C1QTNF7: variants seen among roughly 807,000 people sequenced by gnomAD.
C1QTNF7 encodes the protein C1q and TNF related 7.
In C1QTNF7, 15 loss-of-function variants were observed where a neutral mutation model predicts 19.6. That is an observed-to-expected ratio of 0.76 (90% CI 0.51 to 1.18). The LOEUF is 1.18. Ranked by LOEUF, C1QTNF7 falls within the 50% of genes most tolerant of loss-of-function variation. C1QTNF7 has a pLI of 0.00. For missense variants in C1QTNF7, 324 were observed against 359.7 expected, an observed-to-expected ratio of 0.90 and a Z score of 0.80; for synonymous variants, 142 against 137.5, an observed-to-expected ratio of 1.03 and a Z score of -0.23.
chr4:15,408,216 G>A (rs1719266478), intron 1 of C1QTNF7, among the ~76,000 whole-genome samples: 1 of 145,564 alleles, frequency 6.9e-6, no homozygotes, highest in Non-Finnish European at 1.5e-5. Flanking sequence ...AGGTTGCAGT[G>A]AGCCGTAATT....
intron 1 of C1QTNF7, among the ~76,000 whole-genome samples, chr4:15,364,750 G>A (rs1182680498): frequency 6.6e-6 from 1 of 151,964 alleles, no homozygotes; most frequent in Non-Finnish European, 1.5e-5. Flanking sequence ...ATATTTCCTG[G>A]GCAAGCATCA....
chr4:15,399,620 C>A (rs1718913801), intron 1 of C1QTNF7, among the ~76,000 whole-genome samples: 1 of 152,160 alleles, frequency 6.6e-6, no homozygotes. Flanking sequence ...ACATAGTAAG[C>A]CCTCAAACAT....
chr4:15,424,109 G>A (rs549172021), upstream of C1QTNF7, among the ~76,000 whole-genome samples: 1 of 152,092 alleles, frequency 6.6e-6, no homozygotes, highest in Admixed American at 6.6e-5. Flanking sequence ...CAAATTTCTT[G>A]GCTTTCTGGT....
At position 15,444,037 on chromosome 4, in the gene C1QTNF7, T is replaced by G. The variant is rs1438387612; in HGVS notation, c.*1238T>G. 2 of 152,208 alleles carry G rather than the reference T, an allele frequency of 1.3e-5. No individual in the cohort carries two copies. Among genetic ancestry groups the G allele is most frequent in the African/African-American group, 4.8e-5 (2 of 41,446 alleles). The allele number at this position is 152,208 out of a possible 1,614,324, so 9.4% of individuals were successfully genotyped here. ...CTTGCTTGTGTCAGCACCTTGTTCT[T>G]CACTGAACTGCAATTCTTCAATTAT... is the stretch of plus-strand genomic sequence containing the variant. On this transcript the variant is annotated 3_prime_UTR_variant, in exon 3 of 3. Transcript: ENST00000444304.
At chr4:15,430,581 T>C (rs953885996) in intron 1 of C1QTNF7, among the ~76,000 whole-genome samples, 2 of 152,256 alleles carry the variant, frequency 1.3e-5, no homozygotes, top group African/African-American at 4.8e-5. Flanking sequence ...TGGATTGTGA[T>C]GTACATTAAG....
intron 1 of C1QTNF7, among the ~76,000 whole-genome samples, chr4:15,412,450 A>G (rs970916693): frequency 1.3e-5 from 2 of 151,702 alleles, no homozygotes; most frequent in African/African-American, 4.9e-5. Context: ...CATCTTCAAA[A>G]CCATCAGTGT....
intron 1 of C1QTNF7, among the ~76,000 whole-genome samples, chr4:15,391,835 C>G (rs760252067): frequency 6.6e-6 from 1 of 152,074 alleles, no homozygotes; most frequent in Non-Finnish European, 1.5e-5. Flanking sequence ...AAAGGGACAA[C>G]AAGCAGGAAG....
At chr4:15,429,151 C>T (rs892359720) in intron 1 of C1QTNF7, among the ~76,000 whole-genome samples, 1 of 152,130 alleles carries the variant, frequency 6.6e-6, no homozygotes, top group Non-Finnish European at 1.5e-5. Context: ...CCTTAAAACA[C>T]CTGGCACAGA....
intron 1 of C1QTNF7, chr4:15,362,603 C>G (rs945659040): frequency 6.6e-6 from 1 of 152,172 alleles, no homozygotes; most frequent in African/African-American, 2.4e-5. Flanking sequence ...TAGTTTTCTT[C>G]CTTCTTCCTC....
intron 1 of C1QTNF7, among the ~76,000 whole-genome samples, chr4:15,399,999 T>C (rs1268636863): frequency 1.3e-5 from 2 of 152,216 alleles, no homozygotes; most frequent in South Asian, 2.1e-4. Flanking sequence ...TCTGAGGCCA[T>C]GACATTAGTG....
At chr4:15,368,988 T>C (rs1320055796) in intron 1 of C1QTNF7, among the ~76,000 whole-genome samples, 1 of 152,088 alleles carries the variant, frequency 6.6e-6, no homozygotes, top group Non-Finnish European at 1.5e-5. Flanking sequence ...TTGGAGAAAA[T>C]GATGTAAAAA....
chr4:15,428,773 G>A (rs574283110), intron 1 of C1QTNF7, among the ~76,000 whole-genome samples: 3 of 152,184 alleles, frequency 2.0e-5, no homozygotes, highest in Non-Finnish European at 4.4e-5. Context: ...GCCACTCCCA[G>A]TGCAACAAGA....
intron 1 of C1QTNF7, among the ~76,000 whole-genome samples, chr4:15,386,969 C>T (rs556914953): frequency 6.6e-6 from 1 of 152,208 alleles, no homozygotes; most frequent in African/African-American, 2.4e-5. Context: ...TGCTGAGTGG[C>T]TTCTACAAGG....
At chr4:15,359,764 C>A (rs191450593) in intron 1 of C1QTNF7, among the ~76,000 whole-genome samples, 185 of 152,290 alleles carry the variant, frequency 1.2e-3, no homozygotes, top group Non-Finnish European at 1.9e-3. Flanking sequence ...GATGACCAGT[C>A]TACCCCCAGA....
At chr4:15,436,899 A>G (rs1712560598) in intron 2 of C1QTNF7, among the ~76,000 whole-genome samples, 1 of 152,262 alleles carries the variant, frequency 6.6e-6, no homozygotes, top group Non-Finnish European at 1.5e-5. Flanking sequence ...AAACAAAATC[A>G]TAAAACATAT....
chr4:15,368,090 T>G (rs985389090), intron 1 of C1QTNF7, among the ~76,000 whole-genome samples: 1 of 152,186 alleles, frequency 6.6e-6, no homozygotes, highest in African/African-American at 2.4e-5. Context: ...CAACCACTTA[T>G]CTGACTGATC....
chr4:15,359,555 A>G (rs1413593671), intron 1 of C1QTNF7, among the ~76,000 whole-genome samples: 3 of 152,176 alleles, frequency 2.0e-5, no homozygotes, highest in Admixed American at 6.5e-5. Context: ...TGTCAATCCC[A>G]AATACTTCCA....
At chr4:15,438,583 T>G (rs1712628484) in intron 2 of C1QTNF7, among the ~76,000 whole-genome samples, 1 of 152,244 alleles carries the variant, frequency 6.6e-6, no homozygotes, top group Non-Finnish European at 1.5e-5. Context: ...TATTAAAGTA[T>G]CTGTCTCCCT....
chr4:15,348,140 G>A (rs1449690994), intron 1 of C1QTNF7, among the ~76,000 whole-genome samples: 3 of 152,140 alleles, frequency 2.0e-5, no homozygotes, highest in African/African-American at 7.2e-5. Context: ...TCTTTGCTAT[G>A]GGGGATTTCC....
Sources: gnomAD v4.1 joint callset for allele counts (sites outside exome capture counted in the v4.1 genomes callset) on GRCh38, gnomAD v4.1.1 for gene constraint, MANE v1.5 for transcripts, NCBI Gene and HGNC (gene_info 2026-07-23, HGNC 2026-07-21) for gene names.